ADGRL3: variants seen among roughly 807,000 people sequenced by gnomAD.
ADGRL3 encodes adhesion G protein-coupled receptor L3, also known as calcium-independent alpha-latrotoxin receptor 3.
In ADGRL3, 62 loss-of-function variants were observed where a neutral mutation model predicts 153.5. The observed-to-expected ratio is 0.40, with a 90% CI of 0.33 to 0.50. ADGRL3 has a LOEUF of 0.50. Among genes scored for constraint, ADGRL3 ranks in the 20% least tolerant of loss-of-function variants. ADGRL3 has a pLI of 0.47. For missense variants in ADGRL3, 1,641 were observed against 1,859.4 expected (o/e 0.88, Z 2.16); for synonymous variants, 710 against 672.5 (o/e 1.06, Z -0.86).
At chr4:61,619,334 C>T (rs904744234) in intron 5 of ADGRL3, among the ~76,000 whole-genome samples, 1 of 151,824 alleles carries the variant, frequency 6.6e-6, no homozygotes. Context: ...CCTCCAATAC[C>T]TTTTTTTTCT....
At chr4:61,404,447 A>G (rs1282882880) in intron 2 of ADGRL3, among the ~76,000 whole-genome samples, 1 of 152,050 alleles carries the variant, frequency 6.6e-6, no homozygotes, top group Non-Finnish European at 1.5e-5. Flanking sequence ...TTTTTGCTGT[A>G]CAAAAATACA....
intron 5 of ADGRL3, among the ~76,000 whole-genome samples, chr4:61,593,697 C>T (rs1033221554): frequency 9.9e-5 from 15 of 151,896 alleles, no homozygotes; most frequent in South Asian, 2.1e-4. Flanking sequence ...TGTTTTGTTT[C>T]GGTTTGGTTT....
intron 11 of ADGRL3, among the ~76,000 whole-genome samples, chr4:61,898,176 G>A (rs74409723): frequency 2.8e-4 from 43 of 152,208 alleles, no homozygotes; most frequent in Non-Finnish European, 5.4e-4. Context: ...AGTCCACCAC[G>A]TAGGGCAGAA....
intron 12 of ADGRL3, among the ~76,000 whole-genome samples, chr4:61,912,450 G>A (rs1202555717): frequency 1.3e-5 from 2 of 152,018 alleles, no homozygotes; most frequent in Non-Finnish European, 2.9e-5. Flanking sequence ...TAATTTCTAC[G>A]AAATGTATTC....
At chr4:61,430,943 G>A (rs79536020) in intron 2 of ADGRL3, among the ~76,000 whole-genome samples, 1,756 of 152,256 alleles carry the variant, frequency 0.012, 34 homozygotes, top group African/African-American at 0.038. Flanking sequence ...AGAGTAATGA[G>A]TCTTAAATGA....
intron 13 of ADGRL3, among the ~76,000 whole-genome samples, chr4:61,930,605 G>T (rs189055899): frequency 6.6e-6 from 1 of 151,916 alleles, no homozygotes; most frequent in Admixed American, 6.6e-5. Flanking sequence ...AGTAATATTC[G>T]TCAACTGAAT....
intron 10 of ADGRL3, among the ~76,000 whole-genome samples, chr4:61,894,226 C>G (rs1401327529): frequency 3.3e-5 from 5 of 151,966 alleles, no homozygotes; most frequent in Non-Finnish European, 7.4e-5. Flanking sequence ...GGGACTTTCT[C>G]CTTGGGTATT....
At chr4:62,058,622 C>T (rs1444253967) in intron 25 of ADGRL3, among the ~76,000 whole-genome samples, 6 of 152,108 alleles carry the variant, frequency 3.9e-5, no homozygotes, top group African/African-American at 9.7e-5. Flanking sequence ...GTAACTATCT[C>T]GTCCTCCCTG....
intron 13 of ADGRL3, among the ~76,000 whole-genome samples, chr4:61,924,085 C>T (rs555766301): frequency 6.6e-6 from 1 of 152,218 alleles, no homozygotes; most frequent in Admixed American, 6.5e-5. Flanking sequence ...ACTACACCAC[C>T]GAAACTGCCC....
At chr4:61,748,028 A>G (rs2096693682) in intron 8 of ADGRL3, among the ~76,000 whole-genome samples, 1 of 151,830 alleles carries the variant, frequency 6.6e-6, no homozygotes, top group Admixed American at 6.6e-5. Context: ...TACAAAATCA[A>G]TGTACAAAAA....
intron 5 of ADGRL3, among the ~76,000 whole-genome samples, chr4:61,633,344 A>G (rs1216334249): frequency 2.2e-5 from 1 of 46,324 alleles, no homozygotes; most frequent in Non-Finnish European, 5.8e-5. Context: ...TTGTTATTCT[A>G]TATAATGAAG....
chr4:61,448,008 T>C (rs1165638469), intron 2 of ADGRL3, among the ~76,000 whole-genome samples: 1 of 152,206 alleles, frequency 6.6e-6, no homozygotes, highest in African/African-American at 2.4e-5. Flanking sequence ...AGATGTATTC[T>C]ACATGTCCTG....
In ADGRL3 at chr4:61,979,647, A is replaced by G. The variant is rs1356505624; in HGVS notation, c.2890A>G (p.Ile964Val). ...GTCCCTTGTTTGTCTCCTGATTTGC[A>G]TCTTCACATTTTGCTTTTTCCGGGG... The part of the protein sequence containing the change: ...LLSLVCLLIC[I>V]FTFCFFRGLQ... The change falls in exon 18 of 27, where the codon ATC becomes GTC. Residue 964 changes from isoleucine to valine, a missense_variant. By Grantham distance (29) the Ile-to-Val change is conservative (BLOSUM62 3). Coordinates refer to ENST00000683033, the MANE Select transcript of ADGRL3 (RefSeq NM_001387552.1). 7 of 1,613,814 alleles carry G rather than the reference A, an allele frequency of 4.3e-6. No homozygotes were observed. The highest frequency in any genetic ancestry group is 3.4e-6 in the Non-Finnish European group (4 of 1,179,840).
intron 8 of ADGRL3, among the ~76,000 whole-genome samples, chr4:61,799,013 A>G (rs2097452597): frequency 9.0e-6 from 1 of 111,046 alleles, no homozygotes; most frequent in African/African-American, 3.3e-5. Context: ...ATATATATAT[A>G]TATATATATA....
At chr4:61,408,988 A>G (rs769533915) in intron 2 of ADGRL3, among the ~76,000 whole-genome samples, 4 of 151,616 alleles carry the variant, frequency 2.6e-5, no homozygotes, top group Non-Finnish European at 4.4e-5. Context: ...TTAATTTTGT[A>G]TTCCTGACCC....
chr4:61,489,293 T>A (rs376608591), intron 2 of ADGRL3, among the ~76,000 whole-genome samples: 1 of 151,922 alleles, frequency 6.6e-6, no homozygotes, highest in East Asian at 1.9e-4. Flanking sequence ...TGTCCTGTAT[T>A]CATGCTGCTT....
At chr4:61,249,769 C>T (rs1758531766) in intron 1 of ADGRL3, among the ~76,000 whole-genome samples, 1 of 152,172 alleles carries the variant, frequency 6.6e-6, no homozygotes, top group Non-Finnish European at 1.5e-5. Flanking sequence ...TTAGCAGTCA[C>T]TGTTATTTTC....
chr4:61,456,491 A>C (rs1471053064), intron 2 of ADGRL3, among the ~76,000 whole-genome samples: 3 of 80,520 alleles, frequency 3.7e-5, no homozygotes, highest in Admixed American at 1.9e-4. Context: ...ATATATAGAT[A>C]TATCTATATC....
intron 12 of ADGRL3, 118 bp downstream of exon 12, chr4:61,909,863 T>C: frequency 1.5e-6 from 1 of 658,588 alleles, no homozygotes; most frequent in South Asian, 2.6e-5. Flanking sequence ...TTCTACAGAA[T>C]ATGATCATTA....
Sources: allele counts gnomAD v4.1 joint callset (sites outside exome capture counted in the v4.1 genomes callset), GRCh38; gene constraint gnomAD v4.1.1; transcripts MANE v1.5; gene names NCBI Gene and HGNC (gene_info 2026-07-23, HGNC 2026-07-21).